CCDC93: variants seen among roughly 807,000 people sequenced by gnomAD.
CCDC93 encodes coiled-coil domain-containing protein 93.
In CCDC93, 61 loss-of-function variants were observed where a neutral mutation model predicts 108.2. That is an observed-to-expected ratio of 0.56 (90% CI 0.46 to 0.70). CCDC93 has a LOEUF of 0.70. CCDC93 is among the 30% of genes least tolerant of loss of function. The pLI, the probability that CCDC93 is intolerant of heterozygous loss-of-function variation, is 0.00. For synonymous variants in CCDC93, 276 were observed against 260.4 expected (o/e 1.06, Z -0.58); for missense variants, 685 against 764.2 (o/e 0.90, Z 1.22).
rs765916464 is a variant in CCDC93, at chr2:117,941,305, CA to C, written c.1414-9del. ...TTCTCGATTTCTTCGAGCCTAAATG[CA>C]AAAGGGAGACAGAGACAGTACTATT... is the stretch of plus-strand genomic sequence containing the variant. On this transcript the variant is annotated splice_polypyrimidine_tract_variant and intron_variant, in intron 18 of 23. Transcript: ENST00000376300. 42 of 1,606,364 alleles carry C rather than the reference CA, an allele frequency of 2.6e-5. No homozygotes were observed. In the African/African-American group the frequency reaches 4.5e-4, roughly 17 times the overall value.
chr2:117,981,815 C>T (rs1181817520), intron 7 of CCDC93, among the ~76,000 whole-genome samples: 1 of 152,086 alleles, frequency 6.6e-6, no homozygotes, highest in Non-Finnish European at 1.5e-5. Context: ...GCTCAATAGC[C>T]ACATATGGAT....
rs1175174772 is a variant in CCDC93, at chr2:117,920,348, A to C, written c.1891T>G (p.Ser631Ala). ...ACAGCCACGGCTGGGGATGTTCAGGAGGCCTTCGCTTTCACCTTGGACAGC... is the reference window on the plus strand; with the variant it reads ...ACAGCCACGGCTGGGGATGTTCAGGCGGCCTTCGCTTTCACCTTGGACAGC... ...MLLSKVKAKA[S>A] The change falls in exon 24 of 24, where the codon TCC becomes GCC. Residue 631 changes from serine to alanine, a missense_variant. Transcript: ENST00000376300. 7 of 1,612,162 alleles carry C rather than the reference A, an allele frequency of 4.3e-6. No homozygotes were observed. The highest frequency in any genetic ancestry group is 5.9e-6 in the Non-Finnish European group (7 of 1,178,588).
At chr2:117,934,364 G>A (rs948118555) in intron 22 of CCDC93, 2 of 152,186 alleles carry the variant, frequency 1.3e-5, no homozygotes, top group Middle Eastern at 3.2e-3. Context: ...AGGTCACTGA[G>A]AGGGGACTGC....
intron 5 of CCDC93, 97 bp downstream of exon 5, chr2:117,996,167 T>A: frequency 1.4e-6 from 1 of 715,424 alleles, no homozygotes; most frequent in Non-Finnish European, 2.4e-6. Context: ...GCTGAGAATG[T>A]AGGGGAGCCT....
rs756487349 is a variant in CCDC93 at position 117,973,941 on chromosome 2, C to T, written c.855G>A (p.Glu285=). The change falls in exon 11 of 24, where the codon GAG becomes GAA. Residue 285 remains glutamate (E), a synonymous_variant. Transcript: ENST00000376300. ...VGQIVGLCSA[E]IKQIVSEYAE... ...CATACTCGGACACAATCTGCTTGAT[C>T]TCAGCAGAGCAGAGTCCCACAATCT... is the stretch of plus-strand genomic sequence containing the variant. 6.2e-7 allele frequency: 1 copy of T among 1,612,388 alleles called. No individual in the cohort carries two copies. Among genetic ancestry groups the T allele is most frequent in the South Asian group, 1.1e-5 (1 of 90,604 alleles).
Position 118,013,825 on chromosome 2 carries a change from A to C in CCDC93, c.42+129T>G. 6.4e-6 allele frequency: 5 copies of C among 783,236 alleles called. No homozygotes were observed. In the Admixed American group the frequency reaches 1.0e-4, roughly 16 times the overall value. The allele number at this position is 783,236 out of a possible 1,614,324, so 48.5% of individuals were successfully genotyped here. A position where few individuals can be genotyped will look rare whatever the true frequency, so the allele number is the denominator to read the frequency against. On this transcript the variant is annotated intron_variant, in intron 1 of 23. Coordinates refer to ENST00000376300, the MANE Select transcript of CCDC93 (RefSeq NM_019044.5). ...CAAGAAGAGGGTCGGCGCTTCCCTG[A>C]GGTGGATACGCCTGAGGAAGGGGGC...
chr2:118,013,362 G>T (rs533967074), intron 1 of CCDC93, among the ~76,000 whole-genome samples: 53 of 152,362 alleles, frequency 3.5e-4, no homozygotes, highest in African/African-American at 1.2e-3. Flanking sequence ...GCCCCGGCGC[G>T]CTGACCCAGC....
Position 117,975,202 on chromosome 2 carries a change from G to A in CCDC93, c.736C>T (p.Arg246Ter). 5 of 1,613,684 alleles carry A rather than the reference G, an allele frequency of 3.1e-6. No homozygotes were observed. Among genetic ancestry groups the A allele is most frequent in the South Asian group, 1.1e-5 (1 of 91,070 alleles). The change falls in exon 9 of 24, where the codon CGA (arginine) becomes TGA (stop). Residue 246 changes from arginine (R) to a stop codon, truncating the protein, a stop_gained. Coordinates refer to ENST00000376300, the MANE Select transcript of CCDC93 (RefSeq NM_019044.5). LOFTEE classifies it high-confidence loss of function. The stretch of plus-strand genomic sequence containing the variant: ...GGACCACACACCTCTTCAGCTGCTC[G>A]AAGCTCATCTTCCTCGTGGGCATCA... ...KADAHEEDELRAAEEQRIQSL... is the reference protein window; with the variant it reads ...KADAHEEDEL
intron 23 of CCDC93, among the ~76,000 whole-genome samples, chr2:117,925,933 G>A (rs1013460773): frequency 8.5e-5 from 13 of 152,170 alleles, no homozygotes; most frequent in Non-Finnish European, 1.9e-4. Flanking sequence ...AGACCACAGT[G>A]CAATCAAACT....
At chr2:117,942,899 C>A (rs943477234) in intron 18 of CCDC93, among the ~76,000 whole-genome samples, 1 of 152,240 alleles carries the variant, frequency 6.6e-6, no homozygotes, top group Admixed American at 6.5e-5. Flanking sequence ...ATACTCCTCT[C>A]GCCCTTAACC....
At chr2:117,954,911 G>A (rs1347427751) in intron 12 of CCDC93, among the ~76,000 whole-genome samples, 1 of 144,394 alleles carries the variant, frequency 6.9e-6, no homozygotes, top group African/African-American at 2.5e-5. Context: ...TCTCCTTCCA[G>A]TCATCATGTG....
At chr2:117,975,115 C>T (rs1287190910) in intron 9 of CCDC93, 73 bp downstream of exon 9, 1 of 1,361,294 alleles carries the variant, frequency 7.3e-7, no homozygotes, top group African/African-American at 1.4e-5. Flanking sequence ...TTTGGGAACG[C>T]TAGGGATAAG....
chr2:117,982,837 C>A (rs917052867), intron 7 of CCDC93, among the ~76,000 whole-genome samples: 1 of 152,020 alleles, frequency 6.6e-6, no homozygotes, highest in East Asian at 1.9e-4. Context: ...GTCCCAGGGC[C>A]AGCAGGGGGC....
chr2:118,011,307 G>C (rs938644316), intron 1 of CCDC93, among the ~76,000 whole-genome samples: 1 of 152,192 alleles, frequency 6.6e-6, no homozygotes, highest in African/African-American at 2.4e-5. Context: ...CCCTGCAATA[G>C]AGTAGGAGTG....
chr2:117,954,914 A>G (rs1398407436), intron 12 of CCDC93, among the ~76,000 whole-genome samples: 1 of 144,264 alleles, frequency 6.9e-6, no homozygotes, highest in Non-Finnish European at 1.6e-5. Flanking sequence ...CCTTCCAGTC[A>G]TCATGTGAAG....
intron 4 of CCDC93, chr2:117,996,978 G>T (rs1054100127): frequency 6.6e-6 from 1 of 152,212 alleles, no homozygotes; most frequent in Non-Finnish European, 1.5e-5. Context: ...TCACAATGTC[G>T]GATGGTACTG....
chr2:117,964,334 TTG>T (rs1679487613), intron 11 of CCDC93, among the ~76,000 whole-genome samples: 1 of 152,198 alleles, frequency 6.6e-6, no homozygotes, highest in Non-Finnish European at 1.5e-5. Flanking sequence ...AATGCCTAAA[TTG>T]TGTCACAGAG....
chr2:118,012,231 G>A (rs1006452728), intron 1 of CCDC93, among the ~76,000 whole-genome samples: 2 of 151,100 alleles, frequency 1.3e-5, no homozygotes, highest in Admixed American at 1.3e-4. Context: ...CCGAGCTCAC[G>A]CCATTGCACT....
chr2:117,950,823 CAGAG>C, intron 13 of CCDC93: 1 of 985,402 alleles, frequency 1.0e-6, no homozygotes, highest in Non-Finnish European at 1.2e-6. Flanking sequence ...AGTAAGCTCC[CAGAG>C]AGGGCTCTGA....
Sources: gnomAD v4.1 joint callset for allele counts (sites outside exome capture counted in the v4.1 genomes callset) on GRCh38, gnomAD v4.1.1 for gene constraint, MANE v1.5 for transcripts, NCBI Gene and HGNC (gene_info 2026-07-23, HGNC 2026-07-21) for gene names.